The following FAM107B variants were observed in gnomAD, a reference collection of about 807,000 sequenced individuals.
FAM107B encodes the protein family with sequence similarity 107 member B, also known as protein FAM107B.
FAM107B carries 21 observed loss-of-function variants against 31.5 expected under a neutral mutation model. That is an observed-to-expected ratio of 0.67 (90% confidence interval 0.47 to 0.96). FAM107B has a LOEUF of 0.96. Ranked by LOEUF, FAM107B falls within the 40% of genes least tolerant of loss-of-function variation. FAM107B has a pLI of 0.00. For missense variants in FAM107B, 452 were observed against 377.1 expected, an observed-to-expected ratio of 1.20 and a Z score of -1.64; for synonymous variants, 157 against 141.5, an observed-to-expected ratio of 1.11 and a Z score of -0.78.
At chr10:14,524,049 T>TTTC (rs969436149) in intron 3 of FAM107B, among the ~76,000 whole-genome samples, 17 of 151,030 alleles carry the variant, frequency 1.1e-4, no homozygotes, top group Non-Finnish European at 2.5e-4. Flanking sequence ...TTTTTTTTTT[T>TTTC]TTCGTTTTTG....
intron 2 of FAM107B, among the ~76,000 whole-genome samples, chr10:14,589,267 G>A (rs1851943851): frequency 2.0e-5 from 3 of 151,846 alleles, no homozygotes; most frequent in Admixed American, 6.6e-5. Context: ...GTTGGCATAG[G>A]ACATTTATCA....
chr10:14,727,655 G>T (rs917001100), intron 1 of FAM107B, among the ~76,000 whole-genome samples: 1 of 152,160 alleles, frequency 6.6e-6, no homozygotes, highest in Non-Finnish European at 1.5e-5. Context: ...GTTCCCTATG[G>T]TATTAAGCTC....
intron 1 of FAM107B, among the ~76,000 whole-genome samples, chr10:14,731,014 A>C (rs1212127621): frequency 1.3e-5 from 2 of 152,164 alleles, no homozygotes; most frequent in African/African-American, 4.8e-5. Context: ...TGCTGTCACC[A>C]TGACTGGAAT....
chr10:14,736,396 C>A (rs1317908517), intron 1 of FAM107B, among the ~76,000 whole-genome samples: 1 of 152,092 alleles, frequency 6.6e-6, no homozygotes, highest in Non-Finnish European at 1.5e-5. Context: ...TATAGCAGAC[C>A]TCTGGTGATT....
At chr10:14,725,205 G>C (rs1240414705) in intron 1 of FAM107B, among the ~76,000 whole-genome samples, 1 of 152,148 alleles carries the variant, frequency 6.6e-6, no homozygotes, top group East Asian at 1.9e-4. Flanking sequence ...GGCTTGTGCG[G>C]CTGGCTTATG....
intron 2 of FAM107B, among the ~76,000 whole-genome samples, chr10:14,637,250 T>C (rs929668614): frequency 2.0e-5 from 3 of 152,108 alleles, no homozygotes; most frequent in Admixed American, 6.5e-5. Context: ...ATTTTTGGGG[T>C]GGCCCCTATG....
chr10:14,545,629 A>T (rs931474512), intron 2 of FAM107B, among the ~76,000 whole-genome samples: 1 of 152,050 alleles, frequency 6.6e-6, no homozygotes, highest in Non-Finnish European at 1.5e-5. Flanking sequence ...CTTCCAAACC[A>T]CCTGGCCACC....
chr10:14,643,209 A>G (rs1211957371), intron 2 of FAM107B, among the ~76,000 whole-genome samples: 4 of 152,036 alleles, frequency 2.6e-5, no homozygotes, highest in African/African-American at 7.2e-5. Flanking sequence ...AGTGAGCTGG[A>G]GACTCAGTGG....
At chr10:14,671,644 T>C (rs1478555447) in intron 1 of FAM107B, among the ~76,000 whole-genome samples, 3 of 152,108 alleles carry the variant, frequency 2.0e-5, no homozygotes, top group Non-Finnish European at 4.4e-5. Flanking sequence ...CCTGTTCTTA[T>C]TATCCACTGG....
chr10:14,617,157 C>G (rs952401380), intron 2 of FAM107B, among the ~76,000 whole-genome samples: 1 of 151,248 alleles, frequency 6.6e-6, no homozygotes, highest in African/African-American at 2.4e-5. Flanking sequence ...TTAACTGACT[C>G]GGGATATTTT....
intron 2 of FAM107B, among the ~76,000 whole-genome samples, chr10:14,642,715 A>G (rs1285026334): frequency 6.6e-6 from 1 of 151,992 alleles, no homozygotes; most frequent in African/African-American, 2.4e-5. Context: ...TCTTTCCCAC[A>G]TTTCCCTATA....
intron 3 of FAM107B, among the ~76,000 whole-genome samples, chr10:14,526,747 T>C (rs1388029014): frequency 2.6e-5 from 4 of 152,240 alleles, no homozygotes; most frequent in African/African-American, 7.2e-5. Context: ...GAACCAATTT[T>C]AGGGATATGT....
At chr10:14,761,367 A>C (rs1833044523) in intron 1 of FAM107B, among the ~76,000 whole-genome samples, 1 of 152,190 alleles carries the variant, frequency 6.6e-6, no homozygotes, top group Non-Finnish European at 1.5e-5. Context: ...TATTTATCTC[A>C]TTTCTGTGGC....
intron 2 of FAM107B, among the ~76,000 whole-genome samples, chr10:14,574,730 T>C (rs771535718): frequency 6.6e-6 from 1 of 152,152 alleles, no homozygotes; most frequent in Admixed American, 6.5e-5. Flanking sequence ...GGAAATAAAA[T>C]TACTTGATTT....
chr10:14,624,236 A>G (rs1046455960), intron 2 of FAM107B, among the ~76,000 whole-genome samples: 3 of 152,214 alleles, frequency 2.0e-5, no homozygotes, highest in Non-Finnish European at 2.9e-5. Context: ...GAATAAAACC[A>G]TGAAAGCCAT....
chr10:14,556,486 G>A (rs929179172), intron 2 of FAM107B: 9 of 885,608 alleles, frequency 1.0e-5, no homozygotes, highest in African/African-American at 7.2e-5. Context: ...GTCAAGCCCC[G>A]ACCTAACGAG....
chr10:14,575,235 G>A (rs865783870), intron 2 of FAM107B, among the ~76,000 whole-genome samples: 19 of 150,992 alleles, frequency 1.3e-4, no homozygotes, highest in Admixed American at 9.9e-4. Context: ...ATGGCGTCTC[G>A]CTCTATCGCC....
chr10:14,619,789 A>G (rs1296833401), intron 2 of FAM107B, among the ~76,000 whole-genome samples: 2 of 143,116 alleles, frequency 1.4e-5, no homozygotes, highest in African/African-American at 5.1e-5. Context: ...TAGAAGTTTT[A>G]TAGTTTTTGC....
intron 3 of FAM107B, among the ~76,000 whole-genome samples, chr10:14,523,310 G>T (rs1052862757): frequency 6.7e-6 from 1 of 148,746 alleles, no homozygotes; most frequent in Non-Finnish European, 1.5e-5. Flanking sequence ...AATTTACCAG[G>T]ACAATTTAAA....
Sources: allele counts gnomAD v4.1 joint callset (sites outside exome capture counted in the v4.1 genomes callset), GRCh38; gene constraint gnomAD v4.1.1; transcripts MANE v1.5; gene names NCBI Gene and HGNC (gene_info 2026-07-23, HGNC 2026-07-21).